RBPJ: variants seen among roughly 807,000 people sequenced by gnomAD.
The protein encoded by RBPJ is recombining binding protein suppressor of hairless.
Under a neutral mutation model 67.8 loss-of-function variants are expected in RBPJ, and 9 were observed. The ratio of observed to expected loss-of-function variants is 0.13; its 90% confidence interval spans 0.08 to 0.23. RBPJ has a LOEUF of 0.23. Among genes scored for constraint, RBPJ ranks in the 10% least tolerant of loss-of-function variants. The pLI, the probability that RBPJ is intolerant of heterozygous loss-of-function variation, is 1.00. For missense variants in RBPJ, 305 were observed against 595.6 expected (o/e 0.51, Z 5.08); for synonymous variants, 198 against 203.3 (o/e 0.97, Z 0.22).
At chr4:26,293,837 A>T (rs1161382078) in intron 1 of RBPJ, among the ~76,000 whole-genome samples, 2 of 152,178 alleles carry the variant, frequency 1.3e-5, no homozygotes, top group Non-Finnish European at 2.9e-5. Context: ...TGCTCACTGC[A>T]ACCTCTGCCT....
the RBPJ span, among the ~76,000 whole-genome samples, chr4:26,109,491 T>C: frequency 0.18 from 7,277 of 41,260 alleles, 1,668 homozygotes; most frequent in African/African-American, 0.32. Context: ...TATATATATA[T>C]ACACACACAC....
In RBPJ at chr4:26,430,954, G is replaced by A. The variant is rs150865690; in HGVS notation, c.1411G>A (p.Ala471Thr). The change falls in exon 11 of 11, where the codon GCC becomes ACC. Residue 471 changes from alanine (A) to threonine (T), a missense_variant. Ala to Thr is a moderately conservative substitution (Grantham distance 58). Coordinates refer to ENST00000355476, the MANE Select transcript of RBPJ (RefSeq NM_015874.6). This position sits in a 1 kb window ranked among gnomAD's most constrained non-coding sequence, Gnocchi z 4.1. ...AAACAGCGAGGGAAGTTACACAAAC[G>A]CCAGCACAAATTCAACCAGTGTCAC... Reference protein sequence around the residue: ...NTNSEGSYTNASTNSTSVTSS... With the variant: ...NTNSEGSYTNTSTNSTSVTSS... 1.0e-4 allele frequency: 167 copies of A among 1,613,884 alleles called. No individual in the cohort carries two copies. The African/African-American group carries it at 1.8e-3, about 18-fold the overall frequency.
At chr4:26,109,489 TATAC>T in the RBPJ span, among the ~76,000 whole-genome samples, 1 of 46,522 alleles carries the variant, frequency 2.1e-5, no homozygotes, top group Non-Finnish European at 4.0e-5. Context: ...TATATATATA[TATAC>T]ACACACACAT....
intron 1 of RBPJ, among the ~76,000 whole-genome samples, chr4:26,345,710 A>G (rs1310292890): frequency 6.6e-6 from 1 of 152,130 alleles, no homozygotes; most frequent in African/African-American, 2.4e-5. Context: ...ACTCTCAGGG[A>G]TTCCCAAGCT....
chr4:26,407,479 C>T (rs983242578), intron 3 of RBPJ, among the ~76,000 whole-genome samples: 6 of 152,140 alleles, frequency 3.9e-5, no homozygotes, highest in African/African-American at 1.4e-4. Context: ...CTATAAATTT[C>T]CGCATTTTTT....
upstream of RBPJ, chr4:26,320,666 C>G (rs551121765): frequency 4.2e-6 from 6 of 1,445,530 alleles, no homozygotes; most frequent in African/African-American, 2.9e-5. Context: ...CTCCATTCCT[C>G]GTCCCCGTAG....
chr4:26,305,979 T>A (rs1560253803), intron 1 of RBPJ, among the ~76,000 whole-genome samples: 1 of 151,358 alleles, frequency 6.6e-6, no homozygotes, highest in African/African-American at 2.4e-5. Context: ...ACAGATGGGG[T>A]TTCACCATTT....
At chr4:26,402,591 A>G (rs1234800904) in intron 2 of RBPJ, among the ~76,000 whole-genome samples, 1 of 152,044 alleles carries the variant, frequency 6.6e-6, no homozygotes, top group Non-Finnish European at 1.5e-5. Flanking sequence ...AGTGACCTTG[A>G]CTTCTGTGGC....
intron 4 of RBPJ, among the ~76,000 whole-genome samples, chr4:26,416,370 G>A (rs1426295055): frequency 6.6e-6 from 1 of 152,058 alleles, no homozygotes; most frequent in African/African-American, 2.4e-5. Context: ...GGGACCATAG[G>A]TGTGTGTCAC....
chr4:26,207,860 A>G (rs1319281259), intron 1 of RBPJ, among the ~76,000 whole-genome samples: 1 of 152,246 alleles, frequency 6.6e-6, no homozygotes, highest in East Asian at 1.9e-4. Context: ...ATGAGCCGTC[A>G]GGAGGCCAGG....
intron 1 of RBPJ, among the ~76,000 whole-genome samples, chr4:26,226,216 A>G (rs1322611431): frequency 2.0e-5 from 3 of 151,970 alleles, no homozygotes; most frequent in Admixed American, 2.0e-4. Flanking sequence ...TGTAATCCCA[A>G]CACTTTGGGA....
chr4:26,374,599 C>T (rs1007661851), intron 1 of RBPJ, among the ~76,000 whole-genome samples: 7 of 151,924 alleles, frequency 4.6e-5, no homozygotes, highest in African/African-American at 1.7e-4. Context: ...CCTCAGCCTC[C>T]CGAGTAGCTG....
At chr4:26,226,145 TCA>T (rs1719067942) in intron 1 of RBPJ, among the ~76,000 whole-genome samples, 1 of 119,000 alleles carries the variant, frequency 8.4e-6, no homozygotes. Flanking sequence ...CGAGACTCTG[TCA>T]AAAAAAAAAA....
intron 5 of RBPJ, among the ~76,000 whole-genome samples, chr4:26,421,315 T>C (rs1469201153): frequency 6.6e-6 from 1 of 152,132 alleles, no homozygotes; most frequent in Non-Finnish European, 1.5e-5. Flanking sequence ...TTTTCTTTTT[T>C]TTTTTGAGAT....
intron 1 of RBPJ, among the ~76,000 whole-genome samples, chr4:26,257,931 C>T (rs896783909): frequency 1.3e-5 from 2 of 152,200 alleles, no homozygotes; most frequent in Non-Finnish European, 2.9e-5. Context: ...CAGGTTATGG[C>T]TATGACCCAT....
intron 1 of RBPJ, among the ~76,000 whole-genome samples, chr4:26,377,461 A>G (rs1231017789): frequency 6.6e-6 from 1 of 152,362 alleles, no homozygotes; most frequent in Non-Finnish European, 1.5e-5. Flanking sequence ...TGGCCAAACT[A>G]GAAGGCAGAC....
chr4:26,118,996 G>A, the RBPJ span, among the ~76,000 whole-genome samples: 5 of 152,166 alleles, frequency 3.3e-5, no homozygotes, highest in African/African-American at 1.2e-4. Context: ...CCATAGCTGG[G>A]TACAAAGTCC....
intron 1 of RBPJ, among the ~76,000 whole-genome samples, chr4:26,172,097 G>A (rs1716610599): frequency 6.6e-6 from 1 of 152,170 alleles, no homozygotes; most frequent in Non-Finnish European, 1.5e-5. Context: ...TTCCATCCTT[G>A]TGCATTGATG....
At chr4:26,328,673 G>A (rs988361486) in intron 1 of RBPJ, among the ~76,000 whole-genome samples, 3 of 152,172 alleles carry the variant, frequency 2.0e-5, no homozygotes, top group African/African-American at 7.2e-5. Context: ...CTGTTGCTCA[G>A]CCTGGAATAC....
Sources: allele counts gnomAD v4.1 joint callset (sites outside exome capture counted in the v4.1 genomes callset), GRCh38; gene constraint gnomAD v4.1.1; non-coding constraint Gnocchi (gnomAD v3.1); transcripts MANE v1.5; gene names NCBI Gene and HGNC (gene_info 2026-07-23, HGNC 2026-07-21).